TNRC6A: variants seen among roughly 807,000 people sequenced by gnomAD.
TNRC6A encodes the protein trinucleotide repeat containing adaptor 6A, also known as trinucleotide repeat-containing gene 6A protein.
TNRC6A carries 44 observed loss-of-function variants against 221.2 expected under a neutral mutation model. That is an observed-to-expected ratio of 0.20 (90% CI 0.16 to 0.26). TNRC6A has a LOEUF of 0.26. TNRC6A is among the 10% of genes least tolerant of loss of function. TNRC6A has a pLI of 1.00. For synonymous variants in TNRC6A, 847 were observed against 838.5 expected, an observed-to-expected ratio of 1.01 and a Z score of -0.18; for missense variants, 2,199 against 2,404.4, an observed-to-expected ratio of 0.91 and a Z score of 1.79.
intron 11 of TNRC6A, among the ~76,000 whole-genome samples, chr16:24,800,083 C>T (rs2058301338): frequency 6.6e-6 from 1 of 152,186 alleles, no homozygotes; most frequent in Non-Finnish European, 1.5e-5. Flanking sequence ...CAGTCTTCAT[C>T]TTCCAGGGCA....
chr16:24,712,179 G>A (rs1223907026), intron 2 of TNRC6A, among the ~76,000 whole-genome samples: 2 of 151,590 alleles, frequency 1.3e-5, no homozygotes, highest in Admixed American at 6.6e-5. Flanking sequence ...AGAGAGACTC[G>A]GTGTTCCTGT....
upstream of TNRC6A, among the ~76,000 whole-genome samples, chr16:24,724,822 T>C (rs1413625521): frequency 6.6e-6 from 1 of 152,056 alleles, no homozygotes; most frequent in African/African-American, 2.4e-5. Flanking sequence ...TGTGAAAAAA[T>C]TTTAAAATTT....
At chr16:24,731,948 G>A (rs1442693329) in intron 2 of TNRC6A, among the ~76,000 whole-genome samples, 1 of 152,198 alleles carries the variant, frequency 6.6e-6, no homozygotes, top group Non-Finnish European at 1.5e-5. Context: ...AAGGAGTAAA[G>A]TGCTGTCCGT....
At chr16:24,772,583 G>C (rs1237756909) in intron 4 of TNRC6A, among the ~76,000 whole-genome samples, 1 of 151,846 alleles carries the variant, frequency 6.6e-6, no homozygotes, top group Admixed American at 6.6e-5. Flanking sequence ...TCAGGAGTTC[G>C]AGACCAGCCT....
chr16:24,699,918 G>T (rs1010102265), intron 2 of TNRC6A, among the ~76,000 whole-genome samples: 2 of 151,214 alleles, frequency 1.3e-5, no homozygotes, highest in Non-Finnish European at 2.9e-5. Context: ...TGTGCCAAGT[G>T]CTAGTGTTAC....
intron 2 of TNRC6A, among the ~76,000 whole-genome samples, chr16:24,716,167 G>A (rs746203495): frequency 2.0e-5 from 3 of 151,828 alleles, no homozygotes; most frequent in Non-Finnish European, 4.4e-5. Flanking sequence ...CTCTCCTCAA[G>A]CAGTAATCTA....
Position 24,729,684 on chromosome 16 carries a change from T to TCGGTGGCGGCGG in TNRC6A, c.-155_-154insTGGCGGCGGCGG. The stretch of plus-strand genomic sequence containing the variant: ...TCTGGGGCCTGCGGCGGCGGCGGTG[T>TCGGTGGCGGCGG]CGGCGGCGGCGGCGGCGGCGGCGGC... On this transcript the variant is annotated 5_prime_UTR_variant, in exon 1 of 25. Coordinates refer to ENST00000395799, the MANE Select transcript of TNRC6A (RefSeq NM_014494.4). 3.2e-6 allele frequency: 2 copies of TCGGTGGCGGCGG among 629,590 alleles called. No individual in the cohort carries two copies. Among genetic ancestry groups the TCGGTGGCGGCGG allele is most frequent in the Non-Finnish European group, 4.5e-6 (2 of 441,134 alleles). The allele number at this position is 629,590 out of a possible 1,614,324, so 39.0% of individuals were successfully genotyped here.
chr16:24,731,855 C>T (rs528265688), intron 2 of TNRC6A, among the ~76,000 whole-genome samples: 1 of 152,240 alleles, frequency 6.6e-6, no homozygotes, highest in Admixed American at 6.5e-5. Context: ...TGGCAAGTCA[C>T]TTAGCCTCTC....
intron 2 of TNRC6A, among the ~76,000 whole-genome samples, chr16:24,739,935 T>C (rs1158543192): frequency 3.9e-5 from 6 of 152,258 alleles, no homozygotes; most frequent in Non-Finnish European, 8.8e-5. Context: ...TTTTAGTTCT[T>C]AATGTTTAGT....
chr16:24,814,897 G>T (rs915346886), intron 18 of TNRC6A, among the ~76,000 whole-genome samples: 5 of 152,114 alleles, frequency 3.3e-5, no homozygotes, highest in African/African-American at 1.2e-4. Context: ...TTGGAAATAA[G>T]TTTGTACTCA....
chr16:24,636,491 C>A (rs556085209), intron 1 of TNRC6A, among the ~76,000 whole-genome samples: 1 of 151,934 alleles, frequency 6.6e-6, no homozygotes, highest in East Asian at 1.9e-4. Flanking sequence ...CCATCTTATG[C>A]TCTCGAGTAT....
chr16:24,816,471 A>C lies in TNRC6A; in HGVS notation c.4832-345A>C, dbSNP rs540634426. The stretch of plus-strand genomic sequence containing the variant: ...CAGTGAGCTGTGATTGCACCACTAC[A>C]CTCCAACCTGGGTGATAGAGAAAGA... On this transcript the variant is annotated intron_variant, in intron 19 of 24. Coordinates refer to ENST00000395799, the MANE Select transcript of TNRC6A (RefSeq NM_014494.4). 8.7e-4 allele frequency: 166 copies of C among 190,206 alleles called. 6 individuals are homozygous for C. The South Asian group carries it at 0.016, about 19-fold the overall frequency. 11.8% of individuals were successfully genotyped at this position (190,206 alleles called of 1,614,324 possible).
At chr16:24,664,794 CACACACACACACACACACAA>C (rs1425375661) in intron 2 of TNRC6A, 1 of 402,660 alleles carries the variant, frequency 2.5e-6, no homozygotes, top group East Asian at 1.2e-4. Context: ...CACACACACA[CACACACACACACACACACAA>C]AACCTATAAG....
In TNRC6A at chr16:24,769,468, CAA is replaced by C. The variant is rs35988161; in HGVS notation, c.164-7449_164-7448del. On this transcript the variant is annotated intron_variant, in intron 4 of 24. Transcript: ENST00000395799. Reference sequence around the variant, plus strand: ...TAGATGGGTGGGGTCACAGTATGACCAAAAAAAAAAAAAAAAACCCTAAAAAT... The same window carrying C: ...TAGATGGGTGGGGTCACAGTATGACCAAAAAAAAAAAAAAACCCTAAAAAT... Among the ~76,000 whole-genome samples the C allele has an allele frequency of 4.5e-3, 455 of 101,340 alleles. 2 individuals carry two copies. The highest frequency in any genetic ancestry group is 0.021 in the Middle Eastern group (4 of 192). 66.5% of individuals were successfully genotyped at this position (101,340 alleles called of 152,430 possible). A position where few individuals can be genotyped will look rare whatever the true frequency, so the allele number is the denominator to read the frequency against.
Position 24,776,934 on chromosome 16 carries a change from G to C in TNRC6A, c.165G>C (p.Val55=). Residue 55 remains valine (V), a splice_region_variant and synonymous_variant, in exon 5 of 25, where the codon GTG becomes GTC. Transcript: ENST00000395799. The part of the protein sequence containing the change: ...QKKATEQKIK[V]PEQIKPSVSQ... Reference sequence around the variant, plus strand: ...CCCCTTTTCTTTTGTTGGGATTAGTGCCAGAACAGATAAAGCCCAGTGTAA... The same window carrying C: ...CCCCTTTTCTTTTGTTGGGATTAGTCCCAGAACAGATAAAGCCCAGTGTAA... 1 of 1,611,950 alleles carries C rather than the reference G, an allele frequency of 6.2e-7. No homozygotes were observed. The highest frequency in any genetic ancestry group is 8.5e-7 in the Non-Finnish European group (1 of 1,178,332).
chr16:24,800,268 A>G (rs1421840264), intron 11 of TNRC6A, among the ~76,000 whole-genome samples: 1 of 152,220 alleles, frequency 6.6e-6, no homozygotes, highest in Non-Finnish European at 1.5e-5. Context: ...TACAAATTCT[A>G]GTAATTGGAG....
At chr16:24,767,848 C>T (rs1033239034) in intron 4 of TNRC6A, among the ~76,000 whole-genome samples, 1 of 152,152 alleles carries the variant, frequency 6.6e-6, no homozygotes, top group Admixed American at 6.5e-5. Flanking sequence ...CTTGAATGTT[C>T]AGGTATTATG....
chr16:24,641,374 G>C (rs753528627), intron 2 of TNRC6A, among the ~76,000 whole-genome samples: 1 of 152,172 alleles, frequency 6.6e-6, no homozygotes, highest in Non-Finnish European at 1.5e-5. Flanking sequence ...GGATGTGTGG[G>C]AGGATGGAGA....
intron 2 of TNRC6A, among the ~76,000 whole-genome samples, chr16:24,717,424 G>T (rs1397668530): frequency 6.6e-6 from 1 of 152,050 alleles, no homozygotes; most frequent in Admixed American, 6.6e-5. Context: ...AAAGCTGGGC[G>T]CCATTATCAG....
Sources: gnomAD v4.1 joint callset for allele counts (sites outside exome capture counted in the v4.1 genomes callset) on GRCh38, gnomAD v4.1.1 for gene constraint, MANE v1.5 for transcripts, NCBI Gene and HGNC (gene_info 2026-07-23, HGNC 2026-07-21) for gene names.